Variants in PATJ observed in about 807,000 individuals in gnomAD.
The protein encoded by PATJ is inaD-like protein.
In PATJ, 190 loss-of-function variants were observed where a neutral mutation model predicts 224.9. That is an observed-to-expected ratio of 0.84 (90% CI 0.75 to 0.95). The LOEUF is 0.95. Among genes scored for constraint, PATJ ranks in the 40% least tolerant of loss-of-function variants. The pLI is 0.00. For synonymous variants in PATJ, 769 were observed against 820.3 expected (o/e 0.94, Z 1.07); for missense variants, 2,121 against 2,270.3 (o/e 0.93, Z 1.34).
Position 61,813,334 on chromosome 1 carries a change from CATATATATAT to C in PATJ, c.1683+4840_1683+4849del, listed in dbSNP as rs747640923. Among the ~76,000 whole-genome samples, 91 of 63,058 alleles carry C rather than the reference CATATATATAT, an allele frequency of 1.4e-3. 1 individual carries two copies. Among genetic ancestry groups the C allele is most frequent in the East Asian group, 8.2e-3 (15 of 1,838 alleles). 41.4% of individuals were successfully genotyped at this position (63,058 alleles called of 152,430 possible). A position where few individuals can be genotyped will look rare whatever the true frequency, so the allele number is the denominator to read the frequency against. The stretch of plus-strand genomic sequence containing the variant: ...TCCTGATCAACCTCTATGGAATGTA[CATATATATAT>C]ATATATATATATATATATATATATA... On this transcript the variant is annotated intron_variant, in intron 14 of 43. Coordinates refer to ENST00000642238, the MANE Select transcript of PATJ (RefSeq NM_001350145.3).
chr1:62,013,712 G>GAAAA, intron 28 of PATJ, among the ~76,000 whole-genome samples: 1 of 152,238 alleles, frequency 6.6e-6, no homozygotes, highest in South Asian at 2.1e-4. Context: ...ACACAGTGGG[G>GAAAA]AAGACATAGA....
chr1:61,899,478 A>G, intron 22 of PATJ, 105 bp from the exon 23 acceptor site: 2 of 623,192 alleles, frequency 3.2e-6, no homozygotes, highest in South Asian at 3.3e-5. Context: ...AAAATTGAGA[A>G]TCATTTAACT....
Position 62,161,326 on chromosome 1 carries a change from GA to G in PATJ, c.*273del, listed in dbSNP as rs1558254734. The G allele has an allele frequency of 3.3e-5, 7 of 215,136 alleles. No homozygotes were observed. The highest frequency in any genetic ancestry group is 1.6e-4 in the African/African-American group (6 of 37,680). The allele number at this position is 215,136 out of a possible 1,614,324, so 13.3% of individuals were successfully genotyped here. Reference sequence around the variant, plus strand: ...GTTTTGCATTTAATTTCAGTGTTCCGATTTCTTTTTTTTTTTTTTTTTTTTT... The same window carrying G: ...GTTTTGCATTTAATTTCAGTGTTCCGTTTCTTTTTTTTTTTTTTTTTTTTT... On this transcript the variant is annotated 3_prime_UTR_variant, in exon 44 of 44. Transcript: ENST00000642238.
intron 21 of PATJ, among the ~76,000 whole-genome samples, chr1:61,875,768 A>G (rs1667255285): frequency 6.6e-6 from 1 of 152,170 alleles, no homozygotes; most frequent in Non-Finnish European, 1.5e-5. Context: ...TATTTTAAAC[A>G]TTTATGAAAC....
intron 1 of PATJ, among the ~76,000 whole-genome samples, chr1:61,752,331 T>A: frequency 6.7e-6 from 1 of 149,490 alleles, no homozygotes; most frequent in Non-Finnish European, 1.5e-5. Context: ...TTTTTTTTTT[T>A]AAGACGGAGT....
At chr1:61,781,062 A>G (rs1020531787) in intron 7 of PATJ, among the ~76,000 whole-genome samples, 1 of 152,218 alleles carries the variant, frequency 6.6e-6, no homozygotes, top group Admixed American at 6.5e-5. Flanking sequence ...CAAATTATAG[A>G]TATGGAAACC....
chr1:62,081,001 CCACAAATA>C (rs902746605), intron 32 of PATJ, among the ~76,000 whole-genome samples: 4 of 152,140 alleles, frequency 2.6e-5, no homozygotes, highest in Non-Finnish European at 4.4e-5. Context: ...ATTTCAGTGT[CCACAAATA>C]CAGGTTTATA....
intron 30 of PATJ, among the ~76,000 whole-genome samples, chr1:62,048,448 A>G (rs553378463): frequency 1.2e-4 from 18 of 146,502 alleles, no homozygotes; most frequent in Admixed American, 4.2e-4. Flanking sequence ...CGGGAGGCTG[A>G]GGCAGGAGAG....
chr1:62,106,158 G>GTGTATATATATATATATATATA lies in PATJ; in HGVS notation c.4378-2278_4378-2277insGTATATATATATATATATATAT, dbSNP rs1356937495. ...TACATGTGTATATGTGTGTGTGTGT[G>GTGTATATATATATATATATATA]TATATATATATATATATATATATAT... On this transcript the variant is annotated intron_variant, in intron 33 of 43. Transcript: ENST00000642238. Among the ~76,000 whole-genome samples the GTGTATATATATATATATATATA allele has an allele frequency of 1.5e-3, 73 of 48,056 alleles. 1 individual carries two copies. The highest frequency in any genetic ancestry group is 0.015 in the Middle Eastern group (1 of 68). 31.5% of individuals were successfully genotyped at this position (48,056 alleles called of 152,430 possible).
chr1:62,088,886 A>G (rs1180539118), intron 33 of PATJ, among the ~76,000 whole-genome samples: 1 of 148,488 alleles, frequency 6.7e-6, no homozygotes, highest in African/African-American at 2.5e-5. Context: ...ATATATATAT[A>G]TTCAGAAACT....
chr1:61,875,537 C>T (rs1667231962), intron 21 of PATJ, 171 bp downstream of exon 21: 1 of 503,746 alleles, frequency 2.0e-6, no homozygotes, highest in African/African-American at 2.0e-5. Flanking sequence ...ATAAACATGC[C>T]TCAGATTTCA....
intron 34 of PATJ, among the ~76,000 whole-genome samples, chr1:62,110,960 A>G (rs1196785402): frequency 3.3e-5 from 5 of 152,114 alleles, no homozygotes; most frequent in Admixed American, 1.3e-4. Context: ...ATCTCCCCAC[A>G]ATGTTCTAGC....
intron 15 of PATJ, among the ~76,000 whole-genome samples, chr1:61,826,573 T>TTA (rs1168528644): frequency 6.6e-6 from 1 of 152,134 alleles, no homozygotes; most frequent in East Asian, 1.9e-4. Context: ...TGAGCTCAAG[T>TTA]TATATATATG....
chr1:61,746,579 A>G (rs962875944), intron 1 of PATJ, among the ~76,000 whole-genome samples: 4 of 152,258 alleles, frequency 2.6e-5, no homozygotes, highest in African/African-American at 9.6e-5. Flanking sequence ...ACCAGGAATC[A>G]TGGATGAAAA....
chr1:61,857,218 A>G (rs1663840922), intron 18 of PATJ, among the ~76,000 whole-genome samples: 1 of 151,702 alleles, frequency 6.6e-6, no homozygotes, highest in Non-Finnish European at 1.5e-5. Context: ...CAAAAACTTA[A>G]TGATGATGAT....
chr1:61,784,196 T>TA (rs1476112464), intron 7 of PATJ, among the ~76,000 whole-genome samples: 2 of 152,260 alleles, frequency 1.3e-5, no homozygotes, highest in Non-Finnish European at 2.9e-5. Context: ...AAAACTTTTA[T>TA]ATGTGAATGT....
In PATJ at chr1:61,861,534, G is replaced by T; in HGVS notation, c.2323-17G>T. Reference sequence around the variant, plus strand: ...AATATTTTCTTATTTATAAATAAAAGTGGTTTATATTTTCAGGAAGATAAT... The same window carrying T: ...AATATTTTCTTATTTATAAATAAAATTGGTTTATATTTTCAGGAAGATAAT... On this transcript the variant is annotated splice_polypyrimidine_tract_variant and intron_variant, in intron 18 of 43. Coordinates refer to ENST00000642238, the MANE Select transcript of PATJ (RefSeq NM_001350145.3). 9.5e-7 allele frequency: 1 copy of T among 1,058,156 alleles called. No homozygotes were observed. Among genetic ancestry groups the T allele is most frequent in the Non-Finnish European group, 1.4e-6 (1 of 712,548 alleles). 65.5% of individuals were successfully genotyped at this position (1,058,156 alleles called of 1,614,324 possible).
At chr1:61,768,498 G>A (rs868654863) in intron 4 of PATJ, among the ~76,000 whole-genome samples, 56 of 114,444 alleles carry the variant, frequency 4.9e-4, no homozygotes, top group African/African-American at 1.6e-3. Context: ...TAAATAAATA[G>A]ATATCAATTA....
At position 61,845,682 on chromosome 1, in the gene PATJ, A is replaced by AACAC. The variant is rs569571691; in HGVS notation, c.2113-10347_2113-10344dup. 2.0e-3 allele frequency among the ~76,000 whole-genome samples: 311 copies of AACAC among 152,282 alleles called. 1 individual carries two copies. Among genetic ancestry groups the AACAC allele is most frequent in the African/African-American group, 6.8e-3 (283 of 41,554 alleles). On this transcript the variant is annotated intron_variant, in intron 17 of 43. Transcript: ENST00000642238. ...TTCTACATATTGTGTGCTGTATATC[A>AACAC]ACACTGGTTGACCTTTCAAGGATTA...
Sources: allele counts gnomAD v4.1 joint callset (sites outside exome capture counted in the v4.1 genomes callset), GRCh38; gene constraint gnomAD v4.1.1; transcripts MANE v1.5; gene names NCBI Gene and HGNC (gene_info 2026-07-23, HGNC 2026-07-21).